The following CMPK2 variants were observed in gnomAD, a reference collection of about 807,000 sequenced individuals.
CMPK2 encodes UMP-CMP kinase 2, mitochondrial.
A neutral mutation model predicts 33.4 loss-of-function variants in CMPK2; 32 were observed. The observed-to-expected ratio is 0.96, with a 90% CI of 0.72 to 1.29. The LOEUF (loss-of-function observed/expected upper bound fraction) is 1.29, where lower values mean the gene tolerates loss of function less well. Among genes scored for constraint, CMPK2 ranks in the 50% most tolerant of loss-of-function variants. The pLI is 0.00. For missense variants in CMPK2, 672 were observed against 616.0 expected (o/e 1.09, Z -0.96); for synonymous variants, 299 against 275.3 (o/e 1.09, Z -0.85).
In CMPK2 at chr2:6,865,437, G is replaced by A; in HGVS notation, c.260C>T (p.Ala87Val). Residue 87 changes from alanine (A) to valine (V), a missense_variant, in exon 1 of 5, where the codon GCC becomes GTC. By Grantham distance (64) the Ala-to-Val change is moderately conservative (BLOSUM62 0). Transcript: ENST00000256722. ...GTGCAGCCGCGCCGCCCGGACCCGG[G>A]CCCCGCAGCCGGCGTCCGGGGTCAC... ...VPVTPDAGCG[A>V]RVRAARLHQR... is the part of the protein sequence containing the mutation. 7.8e-7 allele frequency: 1 copy of A among 1,285,652 alleles called. No homozygotes were observed. Among genetic ancestry groups the A allele is most frequent in the Non-Finnish European group, 9.8e-7 (1 of 1,021,894 alleles). 79.6% of individuals were successfully genotyped at this position (1,285,652 alleles called of 1,614,324 possible).
rs978807433 is a variant in CMPK2 at position 6,849,779 on chromosome 2, A to G, written c.*71T>C. The G allele has an allele frequency of 1.9e-6, 3 of 1,601,500 alleles. No homozygotes were observed. The highest frequency in any genetic ancestry group is 3.5e-5 in the Admixed American group (2 of 57,268). ...TAGAACAGAAATTTGGGAACACTGC[A>G]TAACAAATGGTGGATGTAGATGTTT... On this transcript the variant is annotated 3_prime_UTR_variant, in exon 5 of 5. Transcript: ENST00000256722.
chr2:6,866,356 C>T, upstream of CMPK2: 1 of 853,352 alleles, frequency 1.2e-6, no homozygotes, highest in South Asian at 5.2e-5. Context: ...CTGGCTCTTC[C>T]CTCTCCTGTA....
downstream of CMPK2, among the ~76,000 whole-genome samples, chr2:6,844,456 G>T (rs753966791): frequency 1.3e-5 from 2 of 152,090 alleles, no homozygotes; most frequent in Non-Finnish European, 2.9e-5. Context: ...TTCTATAAAC[G>T]CTGAGAAATT....
At chr2:6,859,568 T>A (rs1034448059) in intron 3 of CMPK2, among the ~76,000 whole-genome samples, 1 of 152,174 alleles carries the variant, frequency 6.6e-6, no homozygotes, top group Non-Finnish European at 1.5e-5. Flanking sequence ...AGGCTCTTGA[T>A]TCAGAGGGGG....
chr2:6,845,082 T>C (rs377059557), downstream of CMPK2, among the ~76,000 whole-genome samples: 4 of 152,294 alleles, frequency 2.6e-5, no homozygotes, highest in East Asian at 7.7e-4. Context: ...AACTGTACAA[T>C]GCTTACAAAG....
intron 3 of CMPK2, among the ~76,000 whole-genome samples, chr2:6,841,269 C>T (rs982597788): frequency 6.6e-5 from 10 of 152,078 alleles, no homozygotes; most frequent in Non-Finnish European, 4.4e-5. Flanking sequence ...AGGCATCCAC[C>T]CACAACAAGA....
chr2:6,855,061 T>C (rs1040168646), intron 3 of CMPK2, among the ~76,000 whole-genome samples: 1 of 151,834 alleles, frequency 6.6e-6, no homozygotes, highest in Non-Finnish European at 1.5e-5. Flanking sequence ...TTTGGTTCTT[T>C]GTCCCCACCA....
chr2:6,849,699 G>GCAT lies in CMPK2; in HGVS notation c.*150_*151insATG. The GCAT allele has an allele frequency of 6.6e-7, 1 of 1,510,852 alleles. No homozygotes were observed. Among genetic ancestry groups the GCAT allele is most frequent in the Non-Finnish European group, 8.8e-7 (1 of 1,141,644 alleles). 93.6% of individuals were successfully genotyped at this position (1,510,852 alleles called of 1,614,324 possible). On this transcript the variant is annotated 3_prime_UTR_variant, in exon 5 of 5. Coordinates refer to ENST00000256722, the MANE Select transcript of CMPK2 (RefSeq NM_207315.4). ...CCATCAGTCAGAAGAGGGTACGATG[G>GCAT]CTGAAGTAAAATTAAGATGCCTGGT...
rs551896330 is a variant in CMPK2, at chr2:6,849,609, C to G, written c.*241G>C. 1.2e-4 allele frequency: 160 copies of G among 1,295,624 alleles called. No individual in the cohort carries two copies. In the South Asian group the frequency reaches 3.0e-3, roughly 24 times the overall value. The allele number at this position is 1,295,624 out of a possible 1,614,324, so 80.3% of individuals were successfully genotyped here. On this transcript the variant is annotated 3_prime_UTR_variant, in exon 5 of 5. Coordinates refer to ENST00000256722, the MANE Select transcript of CMPK2 (RefSeq NM_207315.4). Reference sequence around the variant, plus strand: ...TGTTCCAAGAAAATGTTTACTATGCCAGGAAGAAAGCAATCGCTGGCCTCT... The same window carrying G: ...TGTTCCAAGAAAATGTTTACTATGCGAGGAAGAAAGCAATCGCTGGCCTCT...
intron 3 of CMPK2, among the ~76,000 whole-genome samples, chr2:6,842,426 T>G (rs1351272743): frequency 6.6e-6 from 1 of 152,218 alleles, no homozygotes; most frequent in Non-Finnish European, 1.5e-5. Context: ...CATGCTCAAC[T>G]TAGTCACTTC....
rs1173698806 is a variant in CMPK2 at position 6,861,397 on chromosome 2, A to C, written c.791-12T>G. On this transcript the variant is annotated splice_polypyrimidine_tract_variant and intron_variant, in intron 2 of 4. Transcript: ENST00000256722. The stretch of plus-strand genomic sequence containing the variant: ...CACCGTGGTTTTACCTGCAGGTCAT[A>C]CACAAAATATATACATCTTAACCAC... 1 of 1,608,802 alleles carries C rather than the reference A, an allele frequency of 6.2e-7. No individual in the cohort carries two copies. Among genetic ancestry groups the C allele is most frequent in the East Asian group, 2.2e-5 (1 of 44,830 alleles).
chr2:6,847,287 C>T (rs140270202), downstream of CMPK2, among the ~76,000 whole-genome samples: 32 of 152,264 alleles, frequency 2.1e-4, no homozygotes, highest in Middle Eastern at 3.4e-3. Flanking sequence ...CAAAAACTGG[C>T]AAGGAAAGTG....
intron 3 of CMPK2, among the ~76,000 whole-genome samples, chr2:6,853,232 G>C (rs771388387): frequency 4.6e-5 from 7 of 152,134 alleles, no homozygotes; most frequent in Non-Finnish European, 1.0e-4. Flanking sequence ...TTACAGGCGT[G>C]AGGTACCATG....
In CMPK2 at chr2:6,849,241, G is replaced by A. The variant is rs1662440427; in HGVS notation, c.*609C>T. The stretch of plus-strand genomic sequence containing the variant: ...CCTATCAAAAGGGCTCTGAGCCTCA[G>A]ACACAAGATCAATGCCTTCTTTGTA... On this transcript the variant is annotated 3_prime_UTR_variant, in exon 5 of 5. Transcript: ENST00000256722. 1.0e-6 allele frequency: 1 copy of A among 985,322 alleles called. No individual in the cohort carries two copies. Among genetic ancestry groups the A allele is most frequent in the Admixed American group, 6.1e-5 (1 of 16,276 alleles). The allele number at this position is 985,322 out of a possible 1,614,324, so 61.0% of individuals were successfully genotyped here.
intron 4 of CMPK2, chr2:6,850,737 T>C (rs1662493514): frequency 1.0e-6 from 1 of 981,808 alleles, no homozygotes; most frequent in Non-Finnish European, 1.2e-6. Flanking sequence ...GCTACCATTA[T>C]TTATAACATT....
intron 3 of CMPK2, among the ~76,000 whole-genome samples, chr2:6,856,688 T>C (rs900945787): frequency 6.6e-6 from 1 of 152,190 alleles, no homozygotes; most frequent in African/African-American, 2.4e-5. Flanking sequence ...AGAACAACTT[T>C]CTTAAATCTG....
rs1218333424 is a variant in CMPK2 at position 6,848,577 on chromosome 2, T to G, written c.*1273A>C. 3 of 954,570 alleles carry G rather than the reference T, an allele frequency of 3.1e-6. No individual in the cohort carries two copies. In the African/African-American group the frequency reaches 5.3e-5, roughly 17 times the overall value. The allele number at this position is 954,570 out of a possible 1,614,324, so 59.1% of individuals were successfully genotyped here. ...AGCTCTTTTAAAAATCCTATGACAT[T>G]AACATGAAACTTTATTAGAATTTAA... On this transcript the variant is annotated 3_prime_UTR_variant, in exon 5 of 5. Transcript: ENST00000256722.
intron 3 of CMPK2, among the ~76,000 whole-genome samples, chr2:6,851,912 T>C (rs949414220): frequency 1.3e-5 from 2 of 152,256 alleles, no homozygotes; most frequent in Non-Finnish European, 2.9e-5. Context: ...CACAGCTCCA[T>C]TGACCCATCT....
At chr2:6,851,783 C>G (rs555625426) in intron 3 of CMPK2, 100 bp from the exon 4 acceptor site, 1 of 1,071,848 alleles carries the variant, frequency 9.3e-7, no homozygotes, top group South Asian at 1.6e-5. Flanking sequence ...GTTGGCTCTA[C>G]AGAAGTTTTT....
Sources: gnomAD v4.1 joint callset for allele counts (sites outside exome capture counted in the v4.1 genomes callset) on GRCh38, gnomAD v4.1.1 for gene constraint, MANE v1.5 for transcripts, NCBI Gene and HGNC (gene_info 2026-07-23, HGNC 2026-07-21) for gene names.